Variants in SLC6A19 observed in about 807,000 individuals in gnomAD.
SLC6A19 encodes the protein sodium-dependent neutral amino acid transporter B(0)AT1.
A neutral mutation model predicts 68.3 loss-of-function variants in SLC6A19; 67 were observed. The observed-to-expected ratio is 0.98, with a 90% CI of 0.81 to 1.20. The LOEUF is 1.20. Among genes scored for constraint, SLC6A19 ranks in the 50% most tolerant of loss-of-function variants. The pLI is 0.00. For synonymous variants in SLC6A19, 392 were observed against 374.9 expected, an observed-to-expected ratio of 1.05 and a Z score of -0.53; for missense variants, 813 against 851.6, an observed-to-expected ratio of 0.95 and a Z score of 0.56.
intron 5 of SLC6A19, 61 bp downstream of exon 5, chr5:1,213,634 C>T (rs1414537812): frequency 1.3e-6 from 2 of 1,485,100 alleles, no homozygotes; most frequent in Non-Finnish European, 9.3e-7. Flanking sequence ...CCCTGTGCCC[C>T]CGCCAGCCTC....
Position 1,221,857 on chromosome 5 carries a change from G to A in SLC6A19, c.1858G>A (p.Val620Met). 6.2e-7 allele frequency: 1 copy of A among 1,614,214 alleles called. No homozygotes were observed. Among genetic ancestry groups the A allele is most frequent in the East Asian group, 2.2e-5 (1 of 44,886 alleles). ...GAAGCCAGGGGACCATCAGGGGCTG[G>A]TGAGCACACTGTCCACAGCCTCCAT... is the stretch of plus-strand genomic sequence containing the variant. ...CQKPGDHQGL[V>M]STLSTASMNG... The change falls in exon 12 of 12, where the codon GTG becomes ATG. Residue 620 changes from valine (V) to methionine (M), a missense_variant. Coordinates refer to ENST00000304460, the MANE Select transcript of SLC6A19 (RefSeq NM_001003841.3).
intron 3 of SLC6A19, among the ~76,000 whole-genome samples, chr5:1,211,185 G>A (rs1404836859): frequency 1.3e-5 from 2 of 152,194 alleles, no homozygotes; most frequent in Admixed American, 6.5e-5. Flanking sequence ...CTGCTCTGTC[G>A]GGGCCGGCAA....
chr5:1,204,166 C>G (rs1027474645), intron 1 of SLC6A19, among the ~76,000 whole-genome samples: 1 of 152,232 alleles, frequency 6.6e-6, no homozygotes, highest in Non-Finnish European at 1.5e-5. Context: ...CTGGTTCCCT[C>G]TTGGAAGCCT....
rs535001647 is a variant in SLC6A19 at position 1,212,488 on chromosome 5, C to T, written c.663+4C>T. Reference sequence around the variant, plus strand: ...CGGCATCGAGACCACCGGGAAGGTACTGCATGGGCCCGGCCAGGCTGCAGG... The same window carrying T: ...CGGCATCGAGACCACCGGGAAGGTATTGCATGGGCCCGGCCAGGCTGCAGG... On this transcript the variant is annotated splice_donor_region_variant and intron_variant, in intron 4 of 11. Coordinates refer to ENST00000304460, the MANE Select transcript of SLC6A19 (RefSeq NM_001003841.3). This position sits in a 1 kb window ranked among gnomAD's most constrained non-coding sequence, Gnocchi z 5.1. The T allele has an allele frequency of 6.2e-7, 1 of 1,606,066 alleles. No homozygotes were observed. Among genetic ancestry groups the T allele is most frequent in the African/African-American group, 1.3e-5 (1 of 75,004 alleles).
chr5:1,211,823 TGTGTGCATGTGCATGTGTGGG>T (rs1484733485), intron 3 of SLC6A19, among the ~76,000 whole-genome samples: 1 of 147,120 alleles, frequency 6.8e-6, no homozygotes, highest in Non-Finnish European at 1.5e-5. Context: ...GTACTGTGTG[TGTGTGCATGTGCATGTGTGGG>T]GTGTGCAGGT....
In SLC6A19 at chr5:1,219,610, T is replaced by C; in HGVS notation, c.1484T>C (p.Leu495Pro). ...LDSYAGSIPL[L>P]IIAFCEMFSV... ...AGCTATGCCGGCTCCATTCCCCTGC[T>C]CATCATCGCCTTCTGCGAGATGTTC... Residue 495 changes from leucine (L) to proline (P), a missense_variant, in exon 10 of 12, where the codon CTC (leucine) becomes CCC (proline). Physicochemically the swap from Leu to Pro is moderately conservative, Grantham distance 98. Coordinates refer to ENST00000304460, the MANE Select transcript of SLC6A19 (RefSeq NM_001003841.3). 2 of 1,610,702 alleles carry C rather than the reference T, an allele frequency of 1.2e-6. No homozygotes were observed. The highest frequency in any genetic ancestry group is 1.7e-6 in the Non-Finnish European group (2 of 1,180,022).
intron 1 of SLC6A19, among the ~76,000 whole-genome samples, chr5:1,208,008 C>T (rs189261497): frequency 1.1e-4 from 16 of 152,308 alleles, no homozygotes; most frequent in Admixed American, 3.9e-4. Context: ...AATGTCTCAA[C>T]GTGGTTCTCC....
intron 11 of SLC6A19, 97 bp from the exon 12 acceptor site, chr5:1,221,604 G>A: frequency 6.7e-7 from 1 of 1,485,868 alleles, no homozygotes; most frequent in Non-Finnish European, 9.3e-7. Flanking sequence ...TGCCCCACAG[G>A]ACAGGAGGTG....
rs143171731 is a variant in SLC6A19, at chr5:1,201,676, C to T, written c.26C>T (p.Pro9Leu). Residue 9 changes from proline (P) to leucine (L), a missense_variant, in exon 1 of 12, where the codon CCC (proline) becomes CTC (leucine). Physicochemically the swap from Pro to Leu is moderately conservative, Grantham distance 98. Coordinates refer to ENST00000304460, the MANE Select transcript of SLC6A19 (RefSeq NM_001003841.3). The part of the protein sequence containing the change: MVRLVLPN[P>L]GLDARIPSLA... ...ATGGTGAGGCTCGTGCTGCCCAACC[C>T]CGGCCTAGACGCCCGGATCCCGTCC... The T allele has an allele frequency of 2.9e-5, 46 of 1,609,024 alleles. No homozygotes were observed. The South Asian group carries it at 4.3e-4, about 15-fold the overall frequency.
chr5:1,210,573 A>C lies in SLC6A19; in HGVS notation c.473A>C (p.Asn158Thr), dbSNP rs766784542. The C allele has an allele frequency of 1.9e-6, 3 of 1,612,844 alleles. No individual in the cohort carries two copies. The South Asian group carries it at 3.3e-5, about 18-fold the overall frequency. Reference sequence around the variant, plus strand: ...TGGAGCGACTGCCCGCTCAACGAGAACCAGACAGGTGAGTCCTTGCAAGCA... The same window carrying C: ...TGGAGCGACTGCCCGCTCAACGAGACCCAGACAGGTGAGTCCTTGCAAGCA... ...LPWSDCPLNE[N>T]QTGYVDECAR... is the part of the protein sequence containing the mutation. Residue 158 changes from asparagine (N) to threonine (T), a missense_variant, in exon 3 of 12, where the codon AAC becomes ACC. Transcript: ENST00000304460.
intron 1 of SLC6A19, among the ~76,000 whole-genome samples, chr5:1,205,623 G>GGAGATGAAGCGATAGGAAGACCCGA: frequency 6.6e-6 from 1 of 152,260 alleles, no homozygotes; most frequent in Non-Finnish European, 1.5e-5. Context: ...TTTTCTCAAT[G>GGAGATGAAGCGATAGGAAGACCCGA]GAGATGAAGC....
rs1746423419 is a variant in SLC6A19, at chr5:1,222,566, CTG to C, written c.*664_*665del. ...ACGTGTGTTGTGTATATGTGTGTGT[CTG>C]TACCTGTTTGTGTATATGTGTGTGA... is the stretch of plus-strand genomic sequence containing the variant. On this transcript the variant is annotated 3_prime_UTR_variant, in exon 12 of 12. Transcript: ENST00000304460. 1 of 359,878 alleles carries C rather than the reference CTG, an allele frequency of 2.8e-6. No homozygotes were observed. 22.3% of individuals were successfully genotyped at this position (359,878 alleles called of 1,614,324 possible). A position where few individuals can be genotyped will look rare whatever the true frequency, so the allele number is the denominator to read the frequency against.
At chr5:1,217,772 C>T (rs2126510675) in intron 8 of SLC6A19, among the ~76,000 whole-genome samples, 1 of 152,358 alleles carries the variant, frequency 6.6e-6, no homozygotes, top group Non-Finnish European at 1.5e-5. Flanking sequence ...ATGAAATTCG[C>T]CCACTTCCAG....
intron 3 of SLC6A19, among the ~76,000 whole-genome samples, chr5:1,211,975 G>A (rs1489960445): frequency 8.6e-5 from 13 of 151,090 alleles, no homozygotes; most frequent in Non-Finnish European, 1.3e-4. Context: ...GCATGTGTGT[G>A]TGTTGTGTGT....
intron 1 of SLC6A19, among the ~76,000 whole-genome samples, chr5:1,202,771 C>G (rs957358103): frequency 3.3e-5 from 5 of 152,220 alleles, no homozygotes; most frequent in Non-Finnish European, 5.9e-5. Flanking sequence ...TGGAGAGCTG[C>G]TGTCTCTCAC....
intron 10 of SLC6A19, 75 bp downstream of exon 10, chr5:1,219,739 C>A: frequency 6.3e-7 from 1 of 1,590,426 alleles, no homozygotes; most frequent in East Asian, 2.2e-5. Context: ...GAGGGAGGAC[C>A]CGGGCTGTGT....
At chr5:1,207,698 C>G (rs1417612299) in intron 1 of SLC6A19, among the ~76,000 whole-genome samples, 1 of 152,234 alleles carries the variant, frequency 6.6e-6, no homozygotes, top group Non-Finnish European at 1.5e-5. Context: ...ACAAACAACT[C>G]TCCAGTCAGT....
chr5:1,218,016 CGCCACCTCCCACCACCTCCT>C (rs912538962), intron 8 of SLC6A19, among the ~76,000 whole-genome samples: 4 of 151,890 alleles, frequency 2.6e-5, no homozygotes, highest in African/African-American at 9.7e-5. Context: ...CGCCTCCTCC[CGCCACCTCCCACCACCTCCT>C]GCCTCCTCCC....
rs376995967 is a variant in SLC6A19 at position 1,208,814 on chromosome 5, G to A, written c.271G>A (p.Ala91Thr). Residue 91 changes from alanine (A) to threonine (T), a missense_variant, in exon 2 of 12, where the codon GCC (alanine) becomes ACC (threonine). Physicochemically the swap from Ala to Thr is moderately conservative, Grantham distance 58. Coordinates refer to ENST00000304460, the MANE Select transcript of SLC6A19 (RefSeq NM_001003841.3). ...CATCCCCCTGCTGTACCTGGAGTTCGCCATCGGGCAGCGGCTGCGGCGGGG... is the reference window on the plus strand; with the variant it reads ...CATCCCCCTGCTGTACCTGGAGTTCACCATCGGGCAGCGGCTGCGGCGGGG... ...EGIPLLYLEF[A>T]IGQRLRRGSL... is the part of the protein sequence containing the mutation. The A allele has an allele frequency of 1.9e-5, 30 of 1,613,182 alleles. No homozygotes were observed. Among genetic ancestry groups the A allele is most frequent in the South Asian group, 5.5e-5 (5 of 91,084 alleles).
Sources: allele counts gnomAD v4.1 joint callset (sites outside exome capture counted in the v4.1 genomes callset), GRCh38; gene constraint gnomAD v4.1.1; non-coding constraint Gnocchi (gnomAD v3.1); transcripts MANE v1.5; gene names NCBI Gene and HGNC (gene_info 2026-07-23, HGNC 2026-07-21).